ARHGAP42: variants seen among roughly 807,000 people sequenced by gnomAD.
ARHGAP42 encodes rho GTPase-activating protein 42.
A neutral mutation model predicts 125.0 loss-of-function variants in ARHGAP42; 63 were observed. The observed-to-expected ratio is 0.50, with a 90% CI of 0.41 to 0.62. The LOEUF (loss-of-function observed/expected upper bound fraction) is 0.62. Among genes scored for constraint, ARHGAP42 ranks in the 20% least tolerant of loss-of-function variants. ARHGAP42 has a pLI of 0.00. For missense variants in ARHGAP42, 766 were observed against 1,024.2 expected (o/e 0.75, Z 3.44); for synonymous variants, 339 against 351.0 (o/e 0.97, Z 0.38).
At chr11:100,910,739 G>A (rs1221225142) in intron 4 of ARHGAP42, among the ~76,000 whole-genome samples, 1 of 151,588 alleles carries the variant, frequency 6.6e-6, no homozygotes, top group African/African-American at 2.4e-5. Context: ...TCTAGAGCAT[G>A]CTTCCCTAGA....
chr11:100,777,520 G>A (rs1863160366), intron 2 of ARHGAP42, among the ~76,000 whole-genome samples: 1 of 152,164 alleles, frequency 6.6e-6, no homozygotes, highest in African/African-American at 2.4e-5. Flanking sequence ...AGGTCAAATG[G>A]AAAGGTAATA....
At chr11:100,942,731 T>C (rs1416179809) in intron 9 of ARHGAP42, among the ~76,000 whole-genome samples, 1 of 152,128 alleles carries the variant, frequency 6.6e-6, no homozygotes, top group Non-Finnish European at 1.5e-5. Flanking sequence ...TTGAAACTTA[T>C]TGTACTTGGG....
At chr11:100,698,363 C>T (rs974860212) in intron 1 of ARHGAP42, among the ~76,000 whole-genome samples, 1 of 152,124 alleles carries the variant, frequency 6.6e-6, no homozygotes, top group Admixed American at 6.5e-5. Context: ...CCCAGCTACT[C>T]GGAAGGCTGA....
chr11:100,852,559 C>A (rs1268231751), intron 3 of ARHGAP42, among the ~76,000 whole-genome samples: 1 of 152,080 alleles, frequency 6.6e-6, no homozygotes, highest in African/African-American at 2.4e-5. Context: ...CTGAAGCTCC[C>A]TCCCCTTGCT....
intron 1 of ARHGAP42, among the ~76,000 whole-genome samples, chr11:100,722,716 T>C (rs550644573): frequency 3.3e-5 from 5 of 152,332 alleles, no homozygotes; most frequent in Non-Finnish European, 7.3e-5. Flanking sequence ...GTTTACGTCA[T>C]ATGTTTTGCA....
intron 6 of ARHGAP42, among the ~76,000 whole-genome samples, chr11:100,927,106 C>T (rs892544685): frequency 6.6e-6 from 1 of 152,138 alleles, no homozygotes; most frequent in Non-Finnish European, 1.5e-5. Flanking sequence ...GCCTAATTTG[C>T]TAACATGTTA....
rs919217530 is a variant in ARHGAP42 at position 100,992,251 on chromosome 11, T to C, written c.*3450T>C. On this transcript the variant is annotated 3_prime_UTR_variant, in exon 24 of 24. Transcript: ENST00000298815. ...GACTAAAGTCAGAGGCAGACCAATTTAGGGAACAGATTTTGTTCTTTGCTT... is the reference window on the plus strand; with the variant it reads ...GACTAAAGTCAGAGGCAGACCAATTCAGGGAACAGATTTTGTTCTTTGCTT... The C allele has an allele frequency of 2.4e-5, 36 of 1,527,436 alleles. No individual in the cohort carries two copies. In the South Asian group the frequency reaches 4.0e-4, roughly 17 times the overall value. The allele number at this position is 1,527,436 out of a possible 1,614,324, so 94.6% of individuals were successfully genotyped here.
chr11:100,747,662 T>G (rs1862335654), intron 1 of ARHGAP42, among the ~76,000 whole-genome samples: 1 of 152,238 alleles, frequency 6.6e-6, no homozygotes, highest in African/African-American at 2.4e-5. Flanking sequence ...CCTTTTAATG[T>G]AGGTAAAAAT....
At chr11:100,985,855 G>C (rs1199193021) in intron 22 of ARHGAP42, among the ~76,000 whole-genome samples, 1 of 152,192 alleles carries the variant, frequency 6.6e-6, no homozygotes, top group Non-Finnish European at 1.5e-5. Context: ...TGGAAGTGTA[G>C]GGTTAAGATC....
intron 6 of ARHGAP42, among the ~76,000 whole-genome samples, chr11:100,928,943 A>G (rs1424704954): frequency 2.6e-5 from 4 of 152,218 alleles, no homozygotes; most frequent in African/African-American, 4.8e-5. Context: ...GCATGCATCA[A>G]TACTTCATTT....
intron 4 of ARHGAP42, among the ~76,000 whole-genome samples, chr11:100,869,783 T>TA (rs2135156551): frequency 6.6e-6 from 1 of 152,312 alleles, no homozygotes; most frequent in South Asian, 2.1e-4. Flanking sequence ...TGTGCTTAGA[T>TA]AGGAAAATAA....
intron 12 of ARHGAP42, among the ~76,000 whole-genome samples, chr11:100,955,703 G>A (rs1187864081): frequency 6.6e-6 from 1 of 152,080 alleles, no homozygotes; most frequent in East Asian, 1.9e-4. Flanking sequence ...CTCCACTGAA[G>A]GAGAATTATC....
chr11:100,849,515 T>C (rs1865153774), intron 3 of ARHGAP42, among the ~76,000 whole-genome samples: 1 of 152,250 alleles, frequency 6.6e-6, no homozygotes, highest in South Asian at 2.1e-4. Context: ...AGGACGTAGA[T>C]AACTTTTGGG....
intron 3 of ARHGAP42, chr11:100,840,686 C>G (rs1591227798): frequency 6.6e-6 from 1 of 152,242 alleles, no homozygotes; most frequent in South Asian, 2.1e-4. Flanking sequence ...TTGAAGCCTT[C>G]TGCTTTTAGC....
At chr11:100,886,326 G>A (rs905203362) in intron 4 of ARHGAP42, among the ~76,000 whole-genome samples, 25 of 152,214 alleles carry the variant, frequency 1.6e-4, no homozygotes, top group African/African-American at 5.8e-4. Context: ...AGACTTCCTT[G>A]AATAAGTGTA....
chr11:100,963,446 A>G (rs1296795871), intron 16 of ARHGAP42, among the ~76,000 whole-genome samples: 2 of 152,214 alleles, frequency 1.3e-5, no homozygotes, highest in Admixed American at 6.6e-5. Flanking sequence ...CATTGTTAAG[A>G]TGTATGAGGT....
chr11:100,724,803 C>T (rs190500254), intron 1 of ARHGAP42, among the ~76,000 whole-genome samples: 68 of 150,206 alleles, frequency 4.5e-4, no homozygotes, highest in African/African-American at 1.3e-3. Context: ...TTTCCATTTT[C>T]AATTTTATTG....
At chr11:100,791,438 A>C (rs575345994) in intron 2 of ARHGAP42, among the ~76,000 whole-genome samples, 2 of 152,338 alleles carry the variant, frequency 1.3e-5, no homozygotes, top group South Asian at 2.1e-4. Context: ...TATTAACACA[A>C]TACTTTGATA....
At chr11:100,924,234 T>C (rs570261637) in intron 6 of ARHGAP42, among the ~76,000 whole-genome samples, 9 of 152,190 alleles carry the variant, frequency 5.9e-5, no homozygotes, top group African/African-American at 1.4e-4. Flanking sequence ...AAAGAAAATA[T>C]GAACAGGGGA....
Sources: gnomAD v4.1 joint callset for allele counts (sites outside exome capture counted in the v4.1 genomes callset) on GRCh38, gnomAD v4.1.1 for gene constraint, MANE v1.5 for transcripts, NCBI Gene and HGNC (gene_info 2026-07-23, HGNC 2026-07-21) for gene names.